CHD6: variants seen among roughly 807,000 people sequenced by gnomAD.
CHD6 encodes the protein chromodomain helicase DNA binding protein 6.
CHD6 carries 50 observed loss-of-function variants against 276.9 expected under a neutral mutation model. The ratio of observed to expected loss-of-function variants is 0.18; its 90% CI spans 0.14 to 0.23. CHD6 has a LOEUF of 0.23. Ranked by LOEUF, CHD6 falls within the 10% of genes least tolerant of loss-of-function variation. The probability of loss-of-function intolerance (pLI) is 1.00; values close to 1 mark genes in which losing one functional copy is unlikely to be tolerated. For missense variants in CHD6, 2,564 were observed against 3,365.8 expected, an observed-to-expected ratio of 0.76 and a Z score of 5.89; for synonymous variants, 1,173 against 1,229.3, an observed-to-expected ratio of 0.95 and a Z score of 0.96.
At position 41,408,078 on chromosome 20, in the gene CHD6, A is replaced by T. The variant is rs2046733217; in HGVS notation, c.7252-2589T>A. On this transcript the variant is annotated intron_variant, in intron 36 of 36. Transcript: ENST00000373233. ...AAGAATATTAAAAAAATAAAAAATA[A>T]AAAAAAAACCCAGTTCATCATAGAC... is the stretch of plus-strand genomic sequence containing the variant. Among the ~76,000 whole-genome samples the T allele has an allele frequency of 5.3e-5, 8 of 151,366 alleles. 1 individual carries two copies. In the South Asian group the frequency reaches 1.7e-3, roughly 32 times the overall value.
intron 1 of CHD6, among the ~76,000 whole-genome samples, chr20:41,556,070 C>T (rs1182002868): frequency 6.6e-6 from 1 of 152,172 alleles, no homozygotes; most frequent in East Asian, 1.9e-4. Context: ...GCCAACACAG[C>T]GAAACCCCGT....
At chr20:41,455,518 T>C (rs946802704) in intron 19 of CHD6, among the ~76,000 whole-genome samples, 7 of 152,198 alleles carry the variant, frequency 4.6e-5, no homozygotes, top group East Asian at 1.9e-4. Flanking sequence ...TTCAGAGCAG[T>C]CCTTGCAAAC....
intron 36 of CHD6, among the ~76,000 whole-genome samples, chr20:41,408,114 C>T (rs77645178): frequency 0.013 from 2,000 of 151,450 alleles, 21 homozygotes; most frequent in South Asian, 0.035. Context: ...AAAAAAGCTT[C>T]ATGATGGCAA....
At chr20:41,590,554 T>C (rs1231078189) in intron 1 of CHD6, among the ~76,000 whole-genome samples, 2 of 152,186 alleles carry the variant, frequency 1.3e-5, no homozygotes, top group Admixed American at 6.5e-5. Context: ...GCAAAGGATA[T>C]GAACAGACAT....
At chr20:41,484,696 C>T (rs1300012125) in intron 14 of CHD6, 89 bp from the exon 15 acceptor site, 4 of 1,369,980 alleles carry the variant, frequency 2.9e-6, no homozygotes, top group East Asian at 4.6e-5. Flanking sequence ...ATTTCTTGAA[C>T]ATTTACCCAT....
intron 2 of CHD6, among the ~76,000 whole-genome samples, chr20:41,536,841 C>A (rs2044842552): frequency 6.6e-6 from 1 of 152,184 alleles, no homozygotes; most frequent in Non-Finnish European, 1.5e-5. Context: ...TAGTACTGTT[C>A]TCTATCCAAG....
intron 1 of CHD6, among the ~76,000 whole-genome samples, chr20:41,581,201 T>C (rs1437861194): frequency 6.6e-6 from 1 of 152,210 alleles, no homozygotes; most frequent in Non-Finnish European, 1.5e-5. Flanking sequence ...TCCCATGAGA[T>C]AGGTACGGTA....
intron 16 of CHD6, among the ~76,000 whole-genome samples, chr20:41,482,299 T>C (rs77755945): frequency 6.6e-6 from 1 of 152,322 alleles, no homozygotes; most frequent in East Asian, 1.9e-4. Flanking sequence ...ATTCATGTAA[T>C]ACAAGTCTCA....
At chr20:41,457,457 C>T (rs763539624) in intron 17 of CHD6, 29 bp from the exon 18 acceptor site, 112 of 1,596,136 alleles carry the variant, frequency 7.0e-5, no homozygotes, top group Non-Finnish European at 8.7e-5. Flanking sequence ...ATATGCATCA[C>T]GTCACCGTAT....
At chr20:41,573,687 A>G (rs1419337770) in intron 1 of CHD6, among the ~76,000 whole-genome samples, 1 of 152,204 alleles carries the variant, frequency 6.6e-6, no homozygotes, top group East Asian at 1.9e-4. Flanking sequence ...ACAAAAACAA[A>G]CATCAAGACC....
intron 5 of CHD6, among the ~76,000 whole-genome samples, chr20:41,504,989 C>T (rs1190096362): frequency 6.6e-6 from 1 of 152,150 alleles, no homozygotes; most frequent in Admixed American, 6.5e-5. Context: ...TTGATCCAGT[C>T]AGAGACTGAG....
chr20:41,616,908 T>C (rs145144153), intron 1 of CHD6, among the ~76,000 whole-genome samples: 261 of 152,192 alleles, frequency 1.7e-3, no homozygotes, highest in African/African-American at 5.7e-3. Context: ...AGACCCCCAA[T>C]AAGTTACACA....
chr20:41,499,344 T>C lies in CHD6; in HGVS notation c.866A>G (p.Asp289Gly). The C allele has an allele frequency of 6.2e-7, 1 of 1,603,738 alleles. No individual in the cohort carries two copies. Residue 289 changes from aspartate (D) to glycine (G), a missense_variant, in exon 6 of 37, where the codon GAT becomes GGT. Asp to Gly is a moderately conservative substitution (Grantham distance 94). Around this residue, in one of 7 missense-constraint regions of CHD6, gnomAD observed 457 missense variants for 889.0 expected, o/e 0.51. Transcript: ENST00000373233. ...GATCTTCTCAATGATGTTTGCATCA[T>C]CTTCTGGAGGCTCCTGGGGACAAAG... ...LAWQAEEPPE[D>G]DANIIEKILA...
intron 36 of CHD6, among the ~76,000 whole-genome samples, chr20:41,411,118 G>A (rs567973999): frequency 6.6e-6 from 1 of 152,270 alleles, no homozygotes; most frequent in South Asian, 2.1e-4. Flanking sequence ...GTGACAAACT[G>A]TCTAGGGCCC....
At position 41,483,511 on chromosome 20, in the gene CHD6, C is replaced by T; in HGVS notation, c.2266G>A (p.Glu756Lys). The T allele has an allele frequency of 6.2e-7, 1 of 1,610,522 alleles. No individual in the cohort carries two copies. The highest frequency in any genetic ancestry group is 8.5e-7 in the Non-Finnish European group (1 of 1,178,268). ...NHPYLINGAE[E>K]KILEDFRKTH... is the part of the protein sequence containing the mutation. ...TTTCGGAAATCTTCTAGAATTTTCTCCTCTGCTCCTGAAAAGGAATGGAAC... is the reference window on the plus strand; with the variant it reads ...TTTCGGAAATCTTCTAGAATTTTCTTCTCTGCTCCTGAAAAGGAATGGAAC... Residue 756 changes from glutamate (E) to lysine (K), a missense_variant, in exon 16 of 37, where the codon GAG (glutamate) becomes AAG (lysine). Glu to Lys is a moderately conservative substitution (Grantham distance 56). Transcript: ENST00000373233.
intron 2 of CHD6, among the ~76,000 whole-genome samples, chr20:41,548,702 C>G (rs938774360): frequency 2.0e-5 from 3 of 152,078 alleles, no homozygotes; most frequent in Non-Finnish European, 4.4e-5. Flanking sequence ...TCACAGTGAA[C>G]AGGCAACCTA....
In CHD6 at chr20:41,533,228, C is replaced by A. The variant is rs1301469495; in HGVS notation, c.376G>T (p.Glu126Ter). 6.2e-7 allele frequency: 1 copy of A among 1,613,530 alleles called. No individual in the cohort carries two copies. The highest frequency in any genetic ancestry group is 8.5e-7 in the Non-Finnish European group (1 of 1,179,996). ...TTGGCCTTTCTGGGTTCCTTTGGCT[C>A]TTTCGGTTCTCGTTTCCTCTTTGGC... ...PKPKRKREPK[E>*]PKEPRKAKEP... The change falls in exon 3 of 37, where the codon GAG becomes TAG. Residue 126 changes from glutamate to a stop codon, truncating the protein, a stop_gained. Transcript: ENST00000373233. LOFTEE classifies it high-confidence loss of function.
chr20:41,473,542 G>A lies in CHD6; in HGVS notation c.2469-25C>T, dbSNP rs1252602279. Reference sequence around the variant, plus strand: ...TCTGAGGGGACCCAAATGAACGAAAGCCCAGGCGTTAATCATGACTTCAAT... The same window carrying A: ...TCTGAGGGGACCCAAATGAACGAAAACCCAGGCGTTAATCATGACTTCAAT... On this transcript the variant is annotated intron_variant, in intron 16 of 36. Transcript: ENST00000373233. This position sits in a 1 kb window ranked among gnomAD's most constrained non-coding sequence, Gnocchi z 4.1. 1.2e-6 allele frequency: 2 copies of A among 1,600,624 alleles called. No homozygotes were observed. Among genetic ancestry groups the A allele is most frequent in the Non-Finnish European group, 1.7e-6 (2 of 1,168,636 alleles).
chr20:41,498,811 A>ATGTG (rs71193638), intron 6 of CHD6, among the ~76,000 whole-genome samples: 2,879 of 86,498 alleles, frequency 0.033, 39 homozygotes, highest in Non-Finnish European at 0.043. Context: ...GTATGTATGT[A>ATGTG]TGTGTGTGTG....
Sources: gnomAD v4.1 joint callset for allele counts (sites outside exome capture counted in the v4.1 genomes callset) on GRCh38, gnomAD v4.1.1 for gene constraint, gnomAD v4.1.1 regional missense constraint, Gnocchi (gnomAD v3.1) non-coding constraint, MANE v1.5 for transcripts, NCBI Gene and HGNC (gene_info 2026-07-23, HGNC 2026-07-21) for gene names.